The following COMMD5 variants were observed in gnomAD, a reference collection of about 807,000 sequenced individuals.
The protein encoded by COMMD5 is COMM domain containing 5, also known as COMM domain-containing protein 5.
A neutral mutation model predicts 6.9 loss-of-function variants in COMMD5; 10 were observed. The observed-to-expected ratio is 1.44, with a 90% CI of 0.89 to 2.45. The LOEUF is 2.45. Ranked by LOEUF, COMMD5 falls within the 30% of genes most tolerant of loss-of-function variation. The pLI, the probability that COMMD5 is intolerant of heterozygous loss-of-function variation, is 0.00. For synonymous variants in COMMD5, 127 were observed against 125.3 expected (o/e 1.01, Z -0.09); for missense variants, 234 against 287.8 (o/e 0.81, Z 1.35).
downstream of COMMD5, among the ~76,000 whole-genome samples, chr8:144,840,304 C>T (rs1468659944): frequency 1.3e-5 from 2 of 152,208 alleles, no homozygotes; most frequent in African/African-American, 4.8e-5. Flanking sequence ...CTCTGATTCT[C>T]CAGGACTGAT....
chr8:144,843,361 G>A (rs533202825), intron 1 of COMMD5: 65 of 600,930 alleles, frequency 1.1e-4, no homozygotes, highest in South Asian at 4.3e-4. Flanking sequence ...AGGCCAAGGC[G>A]GGCACATCAC....
Position 144,850,666 on chromosome 8 carries a change from A to G in COMMD5, c.673T>C (p.Ter225ArgextTer4). The change falls in exon 2 of 2, where the codon TGA (stop) becomes CGA (arginine). Residue 225 changes from the stop codon to arginine, a stop_lost. Coordinates refer to ENST00000305103, the MANE Select transcript of COMMD5 (RefSeq NM_014066.4). The surrounding 1 kb of genome is among the most constrained non-coding windows in gnomAD (Gnocchi z 4.0). ...AATGGGACTGGTCAAGTGAGGGGTCAGTCCTGCAGTCTGCGCTCACACCTC... is the reference window on the plus strand; with the variant it reads ...AATGGGACTGGTCAAGTGAGGGGTCGGTCCTGCAGTCTGCGCTCACACCTC... ...EKRCERRLQD[*>R] is the part of the protein sequence containing the mutation. The G allele has an allele frequency of 6.2e-7, 1 of 1,610,750 alleles. No individual in the cohort carries two copies.
exon 2 of COMMD5, chr8:144,841,207 C>T (rs1829863212): frequency 1.3e-6 from 1 of 773,958 alleles, no homozygotes; most frequent in Non-Finnish European, 2.1e-6. Context: ...GTCAAAGGCT[C>T]TGCCTTCTCT....
downstream of COMMD5, among the ~76,000 whole-genome samples, chr8:144,840,526 G>T (rs1157409501): frequency 6.6e-6 from 1 of 152,186 alleles, no homozygotes; most frequent in Non-Finnish European, 1.5e-5. Context: ...GTGTGTTGTG[G>T]TTGCATCCTG....
intron 1 of COMMD5, chr8:144,852,453 G>C (rs1213398193): frequency 6.6e-6 from 1 of 152,390 alleles, no homozygotes; most frequent in Non-Finnish European, 1.5e-5. Flanking sequence ...AGCACACCAG[G>C]TACTGGAGCA....
exon 2 of COMMD5, chr8:144,841,222 C>T (rs959029882): frequency 1.4e-5 from 12 of 884,296 alleles, no homozygotes; most frequent in East Asian, 4.9e-5. Context: ...TTCTCTTGCA[C>T]GTTTCCACCT....
chr8:144,846,863 T>C (rs1830538506), downstream of COMMD5: 1 of 152,158 alleles, frequency 6.6e-6, no homozygotes, highest in Non-Finnish European at 1.5e-5. Flanking sequence ...CACGCCCGGC[T>C]AATTTTTTTG....
chr8:144,843,097 T>C, intron 1 of COMMD5: 1 of 1,612,896 alleles, frequency 6.2e-7, no homozygotes, highest in Non-Finnish European at 8.5e-7. Flanking sequence ...GCCTTATAAA[T>C]GCAATGACTG....
At position 144,842,849 on chromosome 8, in the gene COMMD5, A is replaced by G; in HGVS notation, c.*117-1106T>C. The G allele has an allele frequency of 1.2e-5, 19 of 1,614,220 alleles. No homozygotes were observed. Among genetic ancestry groups the G allele is most frequent in the Non-Finnish European group, 1.6e-5 (19 of 1,180,040 alleles). ...ATAATTCATGCAGGGGTGAAGCCCT[A>G]TGAGTGCAGTGAGTGTGGAAAAGCC... On this transcript the variant is annotated intron_variant and NMD_transcript_variant, in intron 1 of 1. Coordinates refer to the COMMD5 transcript ENST00000530332.
intron 1 of COMMD5, chr8:144,843,274 G>A (rs1233264714): frequency 5.2e-6 from 7 of 1,345,862 alleles, no homozygotes; most frequent in Non-Finnish European, 5.0e-6. Flanking sequence ...TGTTGGTAAA[G>A]GTTCAGAATT....
At chr8:144,842,374 A>G (rs1377558230) in intron 1 of COMMD5, 2 of 1,613,974 alleles carry the variant, frequency 1.2e-6, no homozygotes, top group African/African-American at 2.7e-5. Flanking sequence ...GAAAGCTTTT[A>G]GGTGGATCTC....
At chr8:144,839,289 C>A (rs1829538650), downstream of COMMD5, among the ~76,000 whole-genome samples, 1 of 152,242 alleles carries the variant, frequency 6.6e-6, no homozygotes, top group Non-Finnish European at 1.5e-5. Flanking sequence ...CTCTTCACGC[C>A]CTGTGGGCCT....
chr8:144,843,365 A>G (rs551640283), intron 1 of COMMD5: 202 of 579,614 alleles, frequency 3.5e-4, no homozygotes, highest in East Asian at 1.1e-3. Flanking sequence ...CAAGGCGGGC[A>G]CATCACGAGG....
At chr8:144,843,088 C>A (rs1830178466) in intron 1 of COMMD5, 3 of 1,612,960 alleles carry the variant, frequency 1.9e-6, no homozygotes, top group Non-Finnish European at 2.5e-6. Context: ...CGGGGAGAAG[C>A]CTTATAAATG....
intron 1 of COMMD5, chr8:144,842,347 A>G: frequency 1.2e-6 from 2 of 1,613,872 alleles, no homozygotes; most frequent in Non-Finnish European, 1.7e-6. Context: ...GAAACCATTT[A>G]AGTGTGATGA....
chr8:144,840,772 T>G (rs984397074), downstream of COMMD5, among the ~76,000 whole-genome samples: 2 of 152,024 alleles, frequency 1.3e-5, no homozygotes, highest in African/African-American at 4.8e-5. Flanking sequence ...AGGTGCAAGT[T>G]GGCAGCAGCA....
chr8:144,853,224 C>A (rs950967382), upstream of COMMD5: 1 of 149,298 alleles, frequency 6.7e-6, no homozygotes, highest in Non-Finnish European at 1.5e-5. Context: ...TTTTTTTTTT[C>A]TTTCCCCAAA....
At chr8:144,851,576 G>T (rs542553599) in intron 1 of COMMD5, among the ~76,000 whole-genome samples, 181 bp from the exon 2 acceptor site, 3 of 151,990 alleles carry the variant, frequency 2.0e-5, no homozygotes, top group South Asian at 4.2e-4. Context: ...CAGGAGGAGC[G>T]GAGGCCTCCC....
At chr8:144,849,606 G>C (rs1209892), downstream of COMMD5, among the ~76,000 whole-genome samples, 72,342 of 151,900 alleles carry the variant, frequency 0.48, 18,435 homozygotes, top group African/African-American at 0.67. Context: ...TCAGCTGGAA[G>C]CCAGCTGACC....
Sources: allele counts gnomAD v4.1 joint callset (sites outside exome capture counted in the v4.1 genomes callset), GRCh38; gene constraint gnomAD v4.1.1; non-coding constraint Gnocchi (gnomAD v3.1); transcripts MANE v1.5; gene names NCBI Gene and HGNC (gene_info 2026-07-23, HGNC 2026-07-21).